The following TMEM9 variants were observed in gnomAD, a reference collection of about 807,000 sequenced individuals.
TMEM9 encodes proton-transporting V-type ATPase complex assembly regulator TMEM9.
In TMEM9, 13 loss-of-function variants were observed where a neutral mutation model predicts 22.8. The ratio of observed to expected loss-of-function variants is 0.57; its 90% CI spans 0.37 to 0.91. The LOEUF (loss-of-function observed/expected upper bound fraction) is 0.91. Ranked by LOEUF, TMEM9 falls within the 40% of genes least tolerant of loss-of-function variation. The probability of loss-of-function intolerance (pLI) is 0.01; values close to 1 mark genes in which losing one functional copy is unlikely to be tolerated. For synonymous variants in TMEM9, 88 were observed against 93.0 expected (o/e 0.95, Z 0.31); for missense variants, 182 against 238.1 (o/e 0.76, Z 1.55).
At chr1:201,153,141 G>C (rs1440833145) in intron 1 of TMEM9, among the ~76,000 whole-genome samples, 1 of 152,230 alleles carries the variant, frequency 6.6e-6, no homozygotes, top group Non-Finnish European at 1.5e-5. Flanking sequence ...GTATTCTGGT[G>C]ATGCTACTGT....
At position 201,151,777 on chromosome 1, in the gene TMEM9, C is replaced by A. The variant is rs1253686868; in HGVS notation, c.142G>T (p.Val48Leu). ...ATGCCTTACCAGTCCTTCTGGGATA[C>A]ATTCTGGTTGTAAATGTGCCCACTG... Reference protein sequence around the residue: ...NISGHIYNQNVSQKDCNCLHV... With the variant: ...NISGHIYNQNLSQKDCNCLHV... The change falls in exon 2 of 5, where the codon GTA becomes TTA. Residue 48 changes from valine (V) to leucine (L), a missense_variant. Coordinates refer to ENST00000367330, the MANE Select transcript of TMEM9 (RefSeq NM_001288565.2). 6.2e-7 allele frequency: 1 copy of A among 1,613,884 alleles called. No individual in the cohort carries two copies. The highest frequency in any genetic ancestry group is 8.5e-7 in the Non-Finnish European group (1 of 1,179,826).
chr1:201,141,046 G>C (rs1025986379), intron 4 of TMEM9, among the ~76,000 whole-genome samples: 1 of 152,110 alleles, frequency 6.6e-6, no homozygotes, highest in Non-Finnish European at 1.5e-5. Flanking sequence ...GCAGTTCAGC[G>C]GTCACTCTCC....
intron 4 of TMEM9, among the ~76,000 whole-genome samples, chr1:201,143,559 G>A (rs1435278267): frequency 6.6e-6 from 1 of 152,214 alleles, no homozygotes; most frequent in African/African-American, 2.4e-5. Context: ...CGCCCCCTCT[G>A]CCTGGAAGCA....
intron 3 of TMEM9, chr1:201,144,630 C>T (rs6427880): frequency 0.73 from 111,345 of 152,218 alleles, 40,881 homozygotes; most frequent in Non-Finnish European, 0.77. Context: ...ACAGAAAAGA[C>T]AGATTTAATG....
intron 1 of TMEM9, 112 bp downstream of exon 1, chr1:201,153,746 G>GGTGA: frequency 6.4e-7 from 1 of 1,565,886 alleles, no homozygotes; most frequent in Non-Finnish European, 8.7e-7. Context: ...ATGGCCCATA[G>GGTGA]GTGAGTGAGA....
chr1:201,160,716 C>G (rs1391477964), intron 1 of TMEM9, among the ~76,000 whole-genome samples: 1 of 151,738 alleles, frequency 6.6e-6, no homozygotes, highest in African/African-American at 2.4e-5. Flanking sequence ...GTGGGCAGAT[C>G]ACGAAGTCAG....
chr1:201,139,412 C>CT (rs1357555233), intron 4 of TMEM9, among the ~76,000 whole-genome samples: 1 of 152,242 alleles, frequency 6.6e-6, no homozygotes, highest in Non-Finnish European at 1.5e-5. Context: ...TGCACCTCTG[C>CT]TGCGAGGCTC....
chr1:201,142,777 G>A (rs1045694944), intron 4 of TMEM9, among the ~76,000 whole-genome samples: 3 of 152,210 alleles, frequency 2.0e-5, no homozygotes, highest in African/African-American at 4.8e-5. Flanking sequence ...TTGGCTCCAC[G>A]CCTCTAAGCA....
At position 201,135,620 on chromosome 1, in the gene TMEM9, G is replaced by A; in HGVS notation, c.*43C>T. On this transcript the variant is annotated 3_prime_UTR_variant, in exon 5 of 5. Coordinates refer to ENST00000367330, the MANE Select transcript of TMEM9 (RefSeq NM_001288565.2). ...CCTGCTTTGTCCAGCCTGGAAGCTGGCAGCCATGGTGTTGGGGCCTTGACC... is the reference window on the plus strand; with the variant it reads ...CCTGCTTTGTCCAGCCTGGAAGCTGACAGCCATGGTGTTGGGGCCTTGACC... 4 of 1,532,222 alleles carry A rather than the reference G, an allele frequency of 2.6e-6. No homozygotes were observed. The highest frequency in any genetic ancestry group is 3.5e-6 in the Non-Finnish European group (4 of 1,135,822). 94.9% of individuals were successfully genotyped at this position (1,532,222 alleles called of 1,614,324 possible). A position where few individuals can be genotyped will look rare whatever the true frequency, so the allele number is the denominator to read the frequency against.
chr1:201,158,190 A>C (rs1572137073), upstream of TMEM9, among the ~76,000 whole-genome samples: 1 of 152,190 alleles, frequency 6.6e-6, no homozygotes. Flanking sequence ...CAGCCAATGC[A>C]TTCTTCCCTA....
chr1:201,154,064 G>C lies in TMEM9; in HGVS notation c.-141C>G. 9.9e-7 allele frequency: 1 copy of C among 1,011,868 alleles called. No homozygotes were observed. The highest frequency in any genetic ancestry group is 1.4e-6 in the Non-Finnish European group (1 of 710,964). 62.7% of individuals were successfully genotyped at this position (1,011,868 alleles called of 1,614,324 possible). ...CAAGTGGGAATGGGGTTGGGGGCTGGGCTCCAGGATTCCAAGGCCTGCTAA... is the reference window on the plus strand; with the variant it reads ...CAAGTGGGAATGGGGTTGGGGGCTGCGCTCCAGGATTCCAAGGCCTGCTAA... On this transcript the variant is annotated 5_prime_UTR_variant, in exon 1 of 5. Coordinates refer to ENST00000367330, the MANE Select transcript of TMEM9 (RefSeq NM_001288565.2).
chr1:201,142,637 G>C (rs1664627099), intron 4 of TMEM9, among the ~76,000 whole-genome samples: 1 of 152,246 alleles, frequency 6.6e-6, no homozygotes, highest in African/African-American at 2.4e-5. Flanking sequence ...TTCCCGACTA[G>C]ATATTCCTTA....
chr1:201,150,600 G>A (rs12065294), intron 2 of TMEM9, among the ~76,000 whole-genome samples: 1,881 of 152,242 alleles, frequency 0.012, 38 homozygotes, highest in African/African-American at 0.043. Context: ...CAGGAAGGTG[G>A]AACACAGAGT....
chr1:201,141,333 G>C lies in TMEM9; in HGVS notation c.399+2487C>G, dbSNP rs182567178. On this transcript the variant is annotated intron_variant, in intron 4 of 4. Coordinates refer to ENST00000367330, the MANE Select transcript of TMEM9 (RefSeq NM_001288565.2). Reference sequence around the variant, plus strand: ...AAATCTCAACACTGTGCCACCTGCAGGTTTTCTGAATACACTGAGAAAAGC... The same window carrying C: ...AAATCTCAACACTGTGCCACCTGCACGTTTTCTGAATACACTGAGAAAAGC... 8.3e-4 allele frequency among the ~76,000 whole-genome samples: 126 copies of C among 152,310 alleles called. 2 individuals are homozygous for C. Among genetic ancestry groups the C allele is most frequent in the African/African-American group, 2.8e-3 (116 of 41,558 alleles).
chr1:201,162,871 TA>T (rs891510337), intron 1 of TMEM9, among the ~76,000 whole-genome samples: 52 of 147,266 alleles, frequency 3.5e-4, no homozygotes, highest in Admixed American at 8.8e-4. Context: ...AACTCAACAG[TA>T]AAAAAAAAAT....
chr1:201,153,153 C>T (rs7538073), intron 1 of TMEM9, among the ~76,000 whole-genome samples: 110,095 of 152,158 alleles, frequency 0.72, 40,097 homozygotes, highest in Non-Finnish European at 0.77. Context: ...TGCTACTGTG[C>T]TTAGTTACCC....
At chr1:201,155,659 A>T (rs1572135389), upstream of TMEM9, among the ~76,000 whole-genome samples, 1 of 152,148 alleles carries the variant, frequency 6.6e-6, no homozygotes, top group East Asian at 1.9e-4. Flanking sequence ...GGGGCTTTGG[A>T]GCTAGAGTGA....
At chr1:201,137,752 T>C (rs1408013261) in intron 4 of TMEM9, among the ~76,000 whole-genome samples, 1 of 152,102 alleles carries the variant, frequency 6.6e-6, no homozygotes, top group Non-Finnish European at 1.5e-5. Flanking sequence ...GCTCAAGAAA[T>C]GTTTGGTTTC....
intron 3 of TMEM9, 153 bp downstream of exon 3, chr1:201,146,587 G>A (rs1664991886): frequency 1.3e-6 from 1 of 777,550 alleles, no homozygotes; most frequent in Non-Finnish European, 2.3e-6. Context: ...TGTGGGATGT[G>A]GGTCCCAGTG....
Sources: gnomAD v4.1 joint callset for allele counts (sites outside exome capture counted in the v4.1 genomes callset) on GRCh38, gnomAD v4.1.1 for gene constraint, MANE v1.5 for transcripts, NCBI Gene and HGNC (gene_info 2026-07-23, HGNC 2026-07-21) for gene names.